HS6ST3: variants seen among roughly 807,000 people sequenced by gnomAD.
The protein encoded by HS6ST3 is heparan sulfate 6-O-sulfotransferase 3, also known as heparan-sulfate 6-O-sulfotransferase 3.
HS6ST3 carries 12 observed loss-of-function variants against 36.7 expected under a neutral mutation model. That is an observed-to-expected ratio of 0.33 (90% CI 0.21 to 0.53). The LOEUF is 0.53. Among genes scored for constraint, HS6ST3 ranks in the 20% least tolerant of loss-of-function variants. HS6ST3 has a pLI of 0.95. For synonymous variants in HS6ST3, 240 were observed against 257.5 expected (o/e 0.93, Z 0.65); for missense variants, 584 against 640.9 (o/e 0.91, Z 0.96).
chr13:96,206,533 G>A (rs1041454776), intron 1 of HS6ST3, among the ~76,000 whole-genome samples: 2 of 152,132 alleles, frequency 1.3e-5, no homozygotes, highest in African/African-American at 4.8e-5. Context: ...AAAGCTGGAG[G>A]CATCATGCTA....
chr13:96,237,196 G>A (rs1278486975), intron 1 of HS6ST3, among the ~76,000 whole-genome samples: 1 of 152,178 alleles, frequency 6.6e-6, no homozygotes, highest in Non-Finnish European at 1.5e-5. Flanking sequence ...ATTTGGGTGG[G>A]AACACAGCCA....
At chr13:96,469,848 G>A (rs772962386) in intron 1 of HS6ST3, among the ~76,000 whole-genome samples, 2 of 152,084 alleles carry the variant, frequency 1.3e-5, no homozygotes, top group Non-Finnish European at 2.9e-5. Flanking sequence ...TCTGGGAAAC[G>A]TGACTGGTAC....
chr13:96,474,889 G>A (rs950432756), intron 1 of HS6ST3, among the ~76,000 whole-genome samples: 2 of 152,154 alleles, frequency 1.3e-5, no homozygotes, highest in East Asian at 1.9e-4. Flanking sequence ...TTTAAAAATT[G>A]CATAAGATCA....
rs539697166 is a variant in HS6ST3, at chr13:96,514,887, C to T, written c.708-317603C>T. Among the ~76,000 whole-genome samples, 142 of 152,022 alleles carry T rather than the reference C, an allele frequency of 9.3e-4. 1 individual carries two copies. Among genetic ancestry groups the T allele is most frequent in the African/African-American group, 3.4e-3 (140 of 41,504 alleles). On this transcript the variant is annotated intron_variant, in intron 1 of 1. Coordinates refer to ENST00000376705, the MANE Select transcript of HS6ST3 (RefSeq NM_153456.4). The stretch of plus-strand genomic sequence containing the variant: ...TACTCTTAGGCATGCAAGTGATTGT[C>T]TGGTAGCAAGCAGTTCAGGGAATAA...
At chr13:96,800,650 C>T (rs1878043388) in intron 1 of HS6ST3, among the ~76,000 whole-genome samples, 1 of 151,942 alleles carries the variant, frequency 6.6e-6, no homozygotes, top group African/African-American at 2.4e-5. Flanking sequence ...CCAAATCCAC[C>T]CACGTATCTG....
intron 1 of HS6ST3, among the ~76,000 whole-genome samples, chr13:96,337,322 G>A (rs2055106848): frequency 6.6e-6 from 1 of 152,160 alleles, no homozygotes; most frequent in Non-Finnish European, 1.5e-5. Flanking sequence ...TGATCCGCCT[G>A]TCTCGGCCTC....
intron 1 of HS6ST3, among the ~76,000 whole-genome samples, chr13:96,140,302 A>G (rs1403965043): frequency 3.9e-5 from 6 of 152,224 alleles, no homozygotes; most frequent in Admixed American, 2.0e-4. Context: ...ACCACCTTCT[A>G]TGGCTATTGC....
chr13:96,806,575 TCA>T (rs1312259139), intron 1 of HS6ST3, among the ~76,000 whole-genome samples: 2 of 152,208 alleles, frequency 1.3e-5, no homozygotes, highest in Non-Finnish European at 2.9e-5. Context: ...CAAGTTATTG[TCA>T]CAATAATCTG....
intron 1 of HS6ST3, among the ~76,000 whole-genome samples, chr13:96,629,529 C>T (rs1041533872): frequency 3.3e-5 from 5 of 152,160 alleles, no homozygotes; most frequent in African/African-American, 9.7e-5. Flanking sequence ...CCTAGGGCCA[C>T]GTCATGCATG....
At chr13:96,831,342 T>G (rs186455728) in intron 1 of HS6ST3, among the ~76,000 whole-genome samples, 1 of 152,248 alleles carries the variant, frequency 6.6e-6, no homozygotes, top group Admixed American at 6.5e-5. Flanking sequence ...TACATAGAAA[T>G]TACAATGTAA....
At chr13:96,762,549 C>A (rs1419621392) in intron 1 of HS6ST3, among the ~76,000 whole-genome samples, 1 of 152,152 alleles carries the variant, frequency 6.6e-6, no homozygotes. Flanking sequence ...TTTCCTACTG[C>A]ATCTCCTCAG....
chr13:96,788,550 A>G (rs571448709), intron 1 of HS6ST3, among the ~76,000 whole-genome samples: 136 of 152,016 alleles, frequency 8.9e-4, no homozygotes, highest in Non-Finnish European at 1.4e-3. Context: ...ACAAATGGGA[A>G]TTAGATCCAT....
At chr13:96,375,014 C>T (rs1005051864) in intron 1 of HS6ST3, among the ~76,000 whole-genome samples, 5 of 152,032 alleles carry the variant, frequency 3.3e-5, no homozygotes, top group African/African-American at 9.7e-5. Context: ...TTAACCATAT[C>T]GTAGGCCAGT....
chr13:96,389,477 A>G (rs1375855136), intron 1 of HS6ST3, among the ~76,000 whole-genome samples: 2 of 152,150 alleles, frequency 1.3e-5, no homozygotes, highest in Admixed American at 6.6e-5. Context: ...AAAATCATTT[A>G]TACCCCTTGC....
rs1052399904 is a variant in HS6ST3 at position 96,387,010 on chromosome 13, C to G, written c.707+295441C>G. The stretch of plus-strand genomic sequence containing the variant: ...GTGGCATGACCATGGCTCACTGCAG[C>G]CTTGACCTCCCAGGCTCAGGTGATC... On this transcript the variant is annotated intron_variant, in intron 1 of 1. Coordinates refer to ENST00000376705, the MANE Select transcript of HS6ST3 (RefSeq NM_153456.4). Among the ~76,000 whole-genome samples, 4 of 152,082 alleles carry G rather than the reference C, an allele frequency of 2.6e-5. No homozygotes were observed. The East Asian group carries it at 7.7e-4, about 29-fold the overall frequency.
chr13:96,598,410 G>A (rs946329791), intron 1 of HS6ST3, among the ~76,000 whole-genome samples: 1 of 151,920 alleles, frequency 6.6e-6, no homozygotes, highest in Non-Finnish European at 1.5e-5. Context: ...TATATTCCTA[G>A]ATATTTTATT....
At chr13:96,318,208 T>C (rs1035158317) in intron 1 of HS6ST3, among the ~76,000 whole-genome samples, 2 of 152,196 alleles carry the variant, frequency 1.3e-5, no homozygotes, top group Non-Finnish European at 2.9e-5. Context: ...CTTTAGTCCA[T>C]CTTCAGTTAC....
intron 1 of HS6ST3, among the ~76,000 whole-genome samples, chr13:96,501,496 C>T (rs1341709337): frequency 6.6e-6 from 1 of 152,152 alleles, no homozygotes; most frequent in African/African-American, 2.4e-5. Flanking sequence ...GTGTCCTGCG[C>T]CCTCACCTGT....
At chr13:96,808,577 T>C (rs910242418) in intron 1 of HS6ST3, among the ~76,000 whole-genome samples, 1 of 152,190 alleles carries the variant, frequency 6.6e-6, no homozygotes, top group South Asian at 2.1e-4. Flanking sequence ...TAAGTCTTTG[T>C]TGTTTTTAGT....
Sources: allele counts gnomAD v4.1 joint callset (sites outside exome capture counted in the v4.1 genomes callset), GRCh38; gene constraint gnomAD v4.1.1; transcripts MANE v1.5; gene names NCBI Gene and HGNC (gene_info 2026-07-23, HGNC 2026-07-21).